SMOC2: variants seen among roughly 807,000 people sequenced by gnomAD.
SMOC2 encodes the protein SPARC-related modular calcium-binding protein 2.
In SMOC2, 39 loss-of-function variants were observed where a neutral mutation model predicts 61.4. That is an observed-to-expected ratio of 0.64 (90% CI 0.49 to 0.83). The LOEUF (loss-of-function observed/expected upper bound fraction) is 0.83. Among genes scored for constraint, SMOC2 ranks in the 40% least tolerant of loss-of-function variants. The pLI is 0.00. For synonymous variants in SMOC2, 247 were observed against 239.9 expected, an observed-to-expected ratio of 1.03 and a Z score of -0.27; for missense variants, 556 against 592.9, an observed-to-expected ratio of 0.94 and a Z score of 0.65.
chr6:168,583,672 G>A (rs149005628), intron 7 of SMOC2, among the ~76,000 whole-genome samples: 18 of 152,150 alleles, frequency 1.2e-4, no homozygotes, highest in African/African-American at 3.1e-4. Flanking sequence ...AGCCTCCCCC[G>A]CCTCTTGCTC....
At chr6:168,637,977 C>CACCCTGCCCT (rs1786786055) in intron 9 of SMOC2, among the ~76,000 whole-genome samples, 1 of 151,532 alleles carries the variant, frequency 6.6e-6, no homozygotes. Flanking sequence ...GCCCCTGCCC[C>CACCCTGCCCT]GCCCCTGCCC....
At chr6:168,499,286 G>A (rs1782670308) in intron 1 of SMOC2, among the ~76,000 whole-genome samples, 1 of 152,236 alleles carries the variant, frequency 6.6e-6, no homozygotes, top group African/African-American at 2.4e-5. Context: ...GTGCCGTTGG[G>A]CATGTGGGAA....
At chr6:168,450,927 C>T (rs1367034084) in intron 1 of SMOC2, among the ~76,000 whole-genome samples, 4 of 152,148 alleles carry the variant, frequency 2.6e-5, no homozygotes, top group African/African-American at 7.2e-5. Context: ...TGATACTTTA[C>T]GTATTATTTT....
rs1178364337 is a variant in SMOC2 at position 168,527,917 on chromosome 6, G to A, written c.463+190G>A. Among the ~76,000 whole-genome samples the A allele has an allele frequency of 2.0e-5, 3 of 152,368 alleles. No individual in the cohort carries two copies. The East Asian group carries it at 5.8e-4, about 29-fold the overall frequency. Reference sequence around the variant, plus strand: ...TTAGGGAGCCCTTGTTTTTAAGAGGGGAAGGGTGAAGCTGTGTGAATGTAT... The same window carrying A: ...TTAGGGAGCCCTTGTTTTTAAGAGGAGAAGGGTGAAGCTGTGTGAATGTAT... On this transcript the variant is annotated intron_variant, in intron 4 of 12. Coordinates refer to ENST00000356284, the MANE Select transcript of SMOC2 (RefSeq NM_001166412.2).
chr6:168,630,024 T>G (rs1338727456), intron 9 of SMOC2, among the ~76,000 whole-genome samples: 1 of 152,160 alleles, frequency 6.6e-6, no homozygotes, highest in African/African-American at 2.4e-5. Context: ...AACCCTCATT[T>G]CTCAGGGTTC....
At chr6:168,497,138 G>A (rs1782609736) in intron 1 of SMOC2, among the ~76,000 whole-genome samples, 1 of 152,244 alleles carries the variant, frequency 6.6e-6, no homozygotes, top group Non-Finnish European at 1.5e-5. Context: ...TGGCCCTGTG[G>A]TTAAGGGCCC....
intron 2 of SMOC2, among the ~76,000 whole-genome samples, chr6:168,510,966 C>G (rs1782992818): frequency 6.6e-6 from 1 of 152,182 alleles, no homozygotes; most frequent in South Asian, 2.1e-4. Context: ...TGCTCCATGA[C>G]AGACCGCATG....
At chr6:168,589,390 A>C (rs1330242811) in intron 7 of SMOC2, among the ~76,000 whole-genome samples, 3 of 152,278 alleles carry the variant, frequency 2.0e-5, no homozygotes, top group Non-Finnish European at 4.4e-5. Flanking sequence ...CAACAACAGC[A>C]ATGACATCCA....
chr6:168,628,487 G>A (rs9455679), intron 9 of SMOC2, among the ~76,000 whole-genome samples: 24,323 of 152,172 alleles, frequency 0.16, 2,070 homozygotes, highest in South Asian at 0.29. Context: ...CCAGGTCTCC[G>A]GACACTCTGT....
intron 7 of SMOC2, among the ~76,000 whole-genome samples, chr6:168,579,176 G>T (rs1784871696): frequency 6.6e-6 from 1 of 152,224 alleles, no homozygotes; most frequent in South Asian, 2.1e-4. Flanking sequence ...TCCCCTCGGG[G>T]TGGGCAGTGG....
At chr6:168,597,652 A>C (rs9346732) in intron 7 of SMOC2, among the ~76,000 whole-genome samples, 1 of 152,118 alleles carries the variant, frequency 6.6e-6, no homozygotes, top group Non-Finnish European at 1.5e-5. Flanking sequence ...AATCAGCTTC[A>C]AAGCAGGCTT....
intron 7 of SMOC2, among the ~76,000 whole-genome samples, chr6:168,568,692 C>T (rs1037279714): frequency 7.2e-5 from 11 of 152,184 alleles, no homozygotes; most frequent in Non-Finnish European, 1.5e-4. Context: ...ATCCCTCCTT[C>T]CCCCTCACCC....
intron 2 of SMOC2, among the ~76,000 whole-genome samples, chr6:168,515,157 T>C (rs1054977006): frequency 1.3e-5 from 2 of 152,238 alleles, no homozygotes; most frequent in African/African-American, 4.8e-5. Context: ...GAAGAAGTTT[T>C]ATACCATAAA....
intron 9 of SMOC2, among the ~76,000 whole-genome samples, chr6:168,641,019 A>G (rs898901043): frequency 6.6e-6 from 1 of 151,948 alleles, no homozygotes; most frequent in African/African-American, 2.4e-5. Context: ...AGTTCTCCTT[A>G]AGAATTTCAT....
intron 1 of SMOC2, among the ~76,000 whole-genome samples, chr6:168,445,264 T>A (rs1165724523): frequency 3.3e-5 from 5 of 152,218 alleles, no homozygotes; most frequent in African/African-American, 1.2e-4. Context: ...CCTCTCAGAC[T>A]GTAGTTGACT....
Position 168,650,738 on chromosome 6 carries a change from CG to C in SMOC2, c.967del (p.Asp323ThrfsTer25). 6.2e-7 allele frequency: 1 copy of C among 1,613,526 alleles called. No individual in the cohort carries two copies. Among genetic ancestry groups the C allele is most frequent in the Non-Finnish European group, 8.5e-7 (1 of 1,179,992 alleles). On this transcript the variant is annotated frameshift_variant, in exon 10 of 13. Coordinates refer to ENST00000356284, the MANE Select transcript of SMOC2 (RefSeq NM_001166412.2). LOFTEE classifies it high-confidence loss of function. ...ACCAGCGTTCTGGACGCGCTGTCCACGGACATGGTCCACGCCGCCTCCGACC... is the reference window on the plus strand; with the variant it reads ...ACCAGCGTTCTGGACGCGCTGTCCACGACATGGTCCACGCCGCCTCCGACC... ...FLTSVLDALSTDMVHAASDPS... is the reference protein window; with the variant it reads ...FLTSVLDALSXDMVHAASDPS...
intron 11 of SMOC2, among the ~76,000 whole-genome samples, chr6:168,654,185 G>C (rs1269906486): frequency 9.0e-5 from 4 of 44,500 alleles, no homozygotes; most frequent in Admixed American, 1.8e-4. Flanking sequence ...CACCAACCCT[G>C]CACCTGAGCT....
At chr6:168,559,635 TAA>T (rs972892498) in intron 7 of SMOC2, among the ~76,000 whole-genome samples, 1 of 152,128 alleles carries the variant, frequency 6.6e-6, no homozygotes, top group Non-Finnish European at 1.5e-5. Flanking sequence ...GTAGTTGCAC[TAA>T]GATAAGAATT....
intron 1 of SMOC2, among the ~76,000 whole-genome samples, chr6:168,467,431 C>G (rs923647498): frequency 1.3e-5 from 2 of 152,108 alleles, no homozygotes; most frequent in South Asian, 4.2e-4. Flanking sequence ...CTCAGCTTCC[C>G]GAATAGCTGG....
Sources: allele counts gnomAD v4.1 joint callset (sites outside exome capture counted in the v4.1 genomes callset), GRCh38; gene constraint gnomAD v4.1.1; transcripts MANE v1.5; gene names NCBI Gene and HGNC (gene_info 2026-07-23, HGNC 2026-07-21).